Variants in PPFIBP2 observed in about 807,000 individuals in gnomAD.
PPFIBP2 encodes the protein liprin-beta-2.
Under a neutral mutation model 118.3 loss-of-function variants are expected in PPFIBP2, and 118 were observed. The ratio of observed to expected loss-of-function variants is 1.00; its 90% CI spans 0.86 to 1.16. The LOEUF (loss-of-function observed/expected upper bound fraction) is 1.16. Among genes scored for constraint, PPFIBP2 ranks in the 50% most tolerant of loss-of-function variants. The pLI, the probability that PPFIBP2 is intolerant of heterozygous loss-of-function variation, is 0.00. For missense variants in PPFIBP2, 1,195 were observed against 1,073.1 expected (o/e 1.11, Z -1.59); for synonymous variants, 414 against 397.4 (o/e 1.04, Z -0.50).
intron 4 of PPFIBP2, among the ~76,000 whole-genome samples, chr11:7,595,025 G>A (rs145529779): frequency 8.0e-4 from 122 of 152,148 alleles, no homozygotes; most frequent in Admixed American, 7.2e-4. Flanking sequence ...AAAGCAGGAT[G>A]AGGATTGTGT....
At chr11:7,547,485 T>A (rs1314901403) in intron 1 of PPFIBP2, among the ~76,000 whole-genome samples, 1 of 152,170 alleles carries the variant, frequency 6.6e-6, no homozygotes, top group East Asian at 1.9e-4. Context: ...TTTCAAACTT[T>A]TAATATCCCT....
chr11:7,665,727 A>C, the PPFIBP2 span: 1 of 1,192,906 alleles, frequency 8.4e-7, no homozygotes, highest in East Asian at 2.6e-5. Context: ...CCTCTGCAGC[A>C]ATCACCCCAG....
rs78066832 is a variant in PPFIBP2, at chr11:7,632,798, A to G, written c.1069-69A>G. The G allele has an allele frequency of 0.012, 15,396 of 1,236,594 alleles. 1,262 individuals are homozygous for G. In the African/African-American group the frequency reaches 0.19, roughly 15 times the overall value. 76.6% of individuals were successfully genotyped at this position (1,236,594 alleles called of 1,614,324 possible). ...CTCCCTAAAAGGAATCATGTGAAGC[A>G]GGGGGAAAGATGGTGGGTGGTCCCC... On this transcript the variant is annotated intron_variant, in intron 11 of 23. Transcript: ENST00000299492.
chr11:7,534,849 C>A (rs549425204), intron 1 of PPFIBP2, among the ~76,000 whole-genome samples: 1 of 152,230 alleles, frequency 6.6e-6, no homozygotes, highest in Non-Finnish European at 1.5e-5. Context: ...TTTCCCAGAC[C>A]GCCTTCCTGG....
intron 3 of PPFIBP2, among the ~76,000 whole-genome samples, chr11:7,569,442 T>C (rs1210980459): frequency 6.6e-6 from 1 of 152,178 alleles, no homozygotes; most frequent in Non-Finnish European, 1.5e-5. Flanking sequence ...GTAAGTATAA[T>C]GAGGAGAAGT....
chr11:7,534,576 G>A (rs962149523), intron 1 of PPFIBP2, among the ~76,000 whole-genome samples: 3 of 152,158 alleles, frequency 2.0e-5, no homozygotes, highest in Non-Finnish European at 4.4e-5. Context: ...TAAGTTCTGG[G>A]GCTGAGGAGG....
At chr11:7,646,799 A>C (rs187830249) in intron 17 of PPFIBP2, among the ~76,000 whole-genome samples, 24 of 152,328 alleles carry the variant, frequency 1.6e-4, no homozygotes, top group African/African-American at 5.5e-4. Context: ...ACCCTGTCTC[A>C]AAAAAGAATC....
chr11:7,566,322 G>C lies in PPFIBP2; in HGVS notation c.279+555G>C, dbSNP rs1433651890. Among the ~76,000 whole-genome samples, 3 of 152,152 alleles carry C rather than the reference G, an allele frequency of 2.0e-5. No individual in the cohort carries two copies. The East Asian group carries it at 5.8e-4, about 29-fold the overall frequency. On this transcript the variant is annotated intron_variant, in intron 3 of 23. Coordinates refer to ENST00000299492, the MANE Select transcript of PPFIBP2 (RefSeq NM_003621.5). The stretch of plus-strand genomic sequence containing the variant: ...CTTTTGATTCTATATCCTGTATCTG[G>C]ACAAAGAATGCATTTCCCATATACA...
intron 3 of PPFIBP2, among the ~76,000 whole-genome samples, chr11:7,574,335 GTC>G (rs1182415994): frequency 6.6e-6 from 1 of 152,150 alleles, no homozygotes; most frequent in Non-Finnish European, 1.5e-5. Context: ...GGTCCAGTGA[GTC>G]TGAGACACCA....
chr11:7,624,749 C>T (rs7116522), intron 7 of PPFIBP2, among the ~76,000 whole-genome samples: 8,130 of 152,268 alleles, frequency 0.053, 653 homozygotes, highest in African/African-American at 0.17. Flanking sequence ...TTATTGAGCA[C>T]TTAGTATATA....
At chr11:7,613,838 G>T (rs568033739) in intron 6 of PPFIBP2, among the ~76,000 whole-genome samples, 21 of 152,210 alleles carry the variant, frequency 1.4e-4, no homozygotes, top group Non-Finnish European at 1.8e-4. Context: ...TAAGAAGGGA[G>T]CAGGGACCCC....
chr11:7,628,364 T>A lies in PPFIBP2; in HGVS notation c.888+18T>A. ...AAGATAAGGTAAGATGGTCATTGGG[T>A]AGCCCTGTCTTTTCCATGCTTACAT... On this transcript the variant is annotated intron_variant, in intron 9 of 23. Coordinates refer to ENST00000299492, the MANE Select transcript of PPFIBP2 (RefSeq NM_003621.5). The A allele has an allele frequency of 1.2e-6, 2 of 1,611,372 alleles. No homozygotes were observed. Among genetic ancestry groups the A allele is most frequent in the Non-Finnish European group, 1.7e-6 (2 of 1,177,984 alleles).
intron 3 of PPFIBP2, among the ~76,000 whole-genome samples, chr11:7,589,027 T>G (rs895729186): frequency 1.3e-5 from 2 of 152,218 alleles, no homozygotes; most frequent in African/African-American, 2.4e-5. Context: ...ACCATTTGAA[T>G]GAATGGTCTG....
At chr11:7,650,988 C>T in intron 22 of PPFIBP2, 23 bp downstream of exon 22, 3 of 1,607,042 alleles carry the variant, frequency 1.9e-6, no homozygotes, top group Non-Finnish European at 1.7e-6. Flanking sequence ...CTGGCCTAGC[C>T]CACCTGCCTT....
chr11:7,554,680 A>C (rs1178320240), intron 2 of PPFIBP2, among the ~76,000 whole-genome samples: 1 of 152,060 alleles, frequency 6.6e-6, no homozygotes, highest in Non-Finnish European at 1.5e-5. Flanking sequence ...TGAGAGAGAG[A>C]AATTGGTTCT....
intron 4 of PPFIBP2, 64 bp downstream of exon 4, chr11:7,593,288 T>C: frequency 6.4e-7 from 1 of 1,571,304 alleles, no homozygotes; most frequent in Non-Finnish European, 8.6e-7. Context: ...TTCCCCTAAG[T>C]GGAAGGGAAG....
chr11:7,537,347 A>C (rs79783829), intron 1 of PPFIBP2, among the ~76,000 whole-genome samples: 1 of 152,156 alleles, frequency 6.6e-6, no homozygotes, highest in East Asian at 1.9e-4. Flanking sequence ...TTTCCCCCCC[A>C]CAGAGGCAGC....
At chr11:7,644,766 G>A (rs1182849990) in intron 17 of PPFIBP2, among the ~76,000 whole-genome samples, 16 of 151,952 alleles carry the variant, frequency 1.1e-4, no homozygotes, top group Non-Finnish European at 1.6e-4. Flanking sequence ...GGTGGCTCAC[G>A]CCTGTAATCC....
chr11:7,581,447 C>A (rs895192550), intron 3 of PPFIBP2, among the ~76,000 whole-genome samples: 3 of 152,164 alleles, frequency 2.0e-5, no homozygotes, highest in African/African-American at 7.2e-5. Flanking sequence ...CTACAGGTCC[C>A]CCATGCAGTT....
Sources: allele counts gnomAD v4.1 joint callset (sites outside exome capture counted in the v4.1 genomes callset), GRCh38; gene constraint gnomAD v4.1.1; transcripts MANE v1.5; gene names NCBI Gene and HGNC (gene_info 2026-07-23, HGNC 2026-07-21).